FGD2: variants seen among roughly 807,000 people sequenced by gnomAD.
The protein encoded by FGD2 is FYVE, RhoGEF and PH domain-containing protein 2.
FGD2 carries 52 observed loss-of-function variants against 75.9 expected under a neutral mutation model. The observed-to-expected ratio is 0.69, with a 90% CI of 0.55 to 0.86. The LOEUF (loss-of-function observed/expected upper bound fraction) is 0.86. FGD2 is among the 40% of genes least tolerant of loss of function. FGD2 has a pLI of 0.00. For missense variants in FGD2, 790 were observed against 872.0 expected (o/e 0.91, Z 1.18); for synonymous variants, 347 against 348.6 (o/e 1.00, Z 0.05).
intron 13 of FGD2, chr6:37,025,578 C>T (rs937523768): frequency 6.9e-6 from 4 of 583,196 alleles, no homozygotes; most frequent in Non-Finnish European, 1.2e-5. Context: ...CTAAGAGCCC[C>T]GAGCCCGAGC....
In FGD2 at chr6:37,028,191, C is replaced by T. The variant is rs756047198; in HGVS notation, c.*28C>T. On this transcript the variant is annotated 3_prime_UTR_variant, in exon 16 of 16. Transcript: ENST00000274963. Reference sequence around the variant, plus strand: ...CACTGCCAGCCGCTCTCCTGCCCACCTCTCCCCACCCTGAACCCAGCTCCT... The same window carrying T: ...CACTGCCAGCCGCTCTCCTGCCCACTTCTCCCCACCCTGAACCCAGCTCCT... The T allele has an allele frequency of 1.2e-5, 18 of 1,507,072 alleles. No individual in the cohort carries two copies. The highest frequency in any genetic ancestry group is 2.4e-4 in the Middle Eastern group (1 of 4,156). The allele number at this position is 1,507,072 out of a possible 1,614,324, so 93.4% of individuals were successfully genotyped here. A position where few individuals can be genotyped will look rare whatever the true frequency, so the allele number is the denominator to read the frequency against.
rs550284489 is a variant in FGD2 at position 37,006,683 on chromosome 6, G to A, written c.68+798G>A. 5.9e-5 allele frequency among the ~76,000 whole-genome samples: 9 copies of A among 152,298 alleles called. 1 individual carries two copies. Among genetic ancestry groups the A allele is most frequent in the Admixed American group, 5.2e-4 (8 of 15,302 alleles). On this transcript the variant is annotated intron_variant, in intron 1 of 15. Coordinates refer to ENST00000274963, the MANE Select transcript of FGD2 (RefSeq NM_173558.4). ...AATCCATTCTGCAGGCATTTCTTAA[G>A]CTCAGGACTGTGTTAGGGGCTGTCC... is the stretch of plus-strand genomic sequence containing the variant.
chr6:37,027,594 C>A lies in FGD2; in HGVS notation c.1752+19C>A. ...CCCTCAGGTAAGGCCACCACCTGCCCGCCCCCCGTCAGGCCCTGGCCTTCC... is the reference window on the plus strand; with the variant it reads ...CCCTCAGGTAAGGCCACCACCTGCCAGCCCCCCGTCAGGCCCTGGCCTTCC... On this transcript the variant is annotated intron_variant, in intron 15 of 15. Coordinates refer to ENST00000274963, the MANE Select transcript of FGD2 (RefSeq NM_173558.4). 6.2e-7 allele frequency: 1 copy of A among 1,613,204 alleles called. No individual in the cohort carries two copies. The highest frequency in any genetic ancestry group is 8.5e-7 in the Non-Finnish European group (1 of 1,179,714).
Position 37,015,009 on chromosome 6 carries a change from A to G in FGD2, c.1000A>G (p.Asn334Asp). 1 of 1,614,064 alleles carries G rather than the reference A, an allele frequency of 6.2e-7. No individual in the cohort carries two copies. Among genetic ancestry groups the G allele is most frequent in the Non-Finnish European group, 8.5e-7 (1 of 1,179,970 alleles). The change falls in exon 8 of 16, where the codon AAC becomes GAC. Residue 334 changes from asparagine to aspartate, a missense_variant. Physicochemically the swap from Asn to Asp is conservative, Grantham distance 23 (BLOSUM62 1). Transcript: ENST00000274963. Reference protein sequence around the residue: ...GPVLKISFRRNDPMERYLFLF... With the variant: ...GPVLKISFRRDDPMERYLFLF... The stretch of plus-strand genomic sequence containing the variant: ...GGTCCTCAAGATCTCCTTCCGCCGC[A>G]ACGACCCCATGGAGCGCTACCTTTT...
At chr6:37,026,984 A>G (rs1381458564) in intron 14 of FGD2, among the ~76,000 whole-genome samples, 1 of 151,496 alleles carries the variant, frequency 6.6e-6, no homozygotes, top group Non-Finnish European at 1.5e-5. Context: ...CTCCAGCCTG[A>G]GCAACAAGAG....
chr6:37,025,580 A>T (rs1197227971), intron 13 of FGD2: 1 of 584,032 alleles, frequency 1.7e-6, no homozygotes, highest in African/African-American at 1.9e-5. Context: ...AAGAGCCCCG[A>T]GCCCGAGCTC....
At chr6:37,016,573 G>T (rs984338482) in intron 9 of FGD2, among the ~76,000 whole-genome samples, 2 of 145,638 alleles carry the variant, frequency 1.4e-5, no homozygotes, top group Non-Finnish European at 3.0e-5. Flanking sequence ...TCACTCTGTT[G>T]CCCAGGCTGG....
chr6:37,015,714 C>G, intron 8 of FGD2, 54 bp from the exon 9 acceptor site: 1 of 1,516,268 alleles, frequency 6.6e-7, no homozygotes, highest in Non-Finnish European at 9.0e-7. Flanking sequence ...GAAACCCCAC[C>G]TAGCCATCCT....
At chr6:37,026,911 G>A (rs1433813406) in intron 14 of FGD2, among the ~76,000 whole-genome samples, 1 of 151,980 alleles carries the variant, frequency 6.6e-6, no homozygotes, top group Non-Finnish European at 1.5e-5. Context: ...GGGATGCTGA[G>A]GCAGGAGAAT....
intron 9 of FGD2, among the ~76,000 whole-genome samples, chr6:37,017,747 A>G (rs1583310336): frequency 6.6e-6 from 1 of 152,132 alleles, no homozygotes; most frequent in East Asian, 1.9e-4. Context: ...GAGTTGAACC[A>G]GAATGCTCTA....
Position 37,014,934 on chromosome 6 carries a change from C to T in FGD2, c.925C>T (p.Leu309Phe). Residue 309 changes from leucine (L) to phenylalanine (F), a missense_variant, in exon 8 of 16, where the codon CTC becomes TTC. Leu to Phe is a conservative substitution (Grantham distance 22, BLOSUM62 0). Transcript: ENST00000274963. ...DLWEVYQRLG[L>F]EDDIVDPSNT... ...GTGGGAGGTGTACCAGCGCCTGGGC[C>T]TCGAGGACGACATAGTAGACCCCTC... The T allele has an allele frequency of 6.2e-7, 1 of 1,614,154 alleles. No homozygotes were observed. Among genetic ancestry groups the T allele is most frequent in the Non-Finnish European group, 8.5e-7 (1 of 1,180,002 alleles).
chr6:37,015,741 G>A, intron 8 of FGD2, 27 bp from the exon 9 acceptor site: 1 of 1,561,626 alleles, frequency 6.4e-7, no homozygotes, highest in South Asian at 1.2e-5. Flanking sequence ...CCCTGCCACG[G>A]GCCACTCACG....
intron 6 of FGD2, 109 bp from the exon 7 acceptor site, chr6:37,014,537 G>C: frequency 7.8e-7 from 1 of 1,281,236 alleles, no homozygotes; most frequent in East Asian, 2.5e-5. Flanking sequence ...CTGCTCCTGG[G>C]GGCTGTCATG....
chr6:37,019,928 C>T (rs1765492951), intron 9 of FGD2, among the ~76,000 whole-genome samples: 2 of 150,438 alleles, frequency 1.3e-5, no homozygotes, highest in Admixed American at 1.3e-4. Flanking sequence ...TCTCAGCTCA[C>T]TGCAACCTCC....
At position 37,027,543 on chromosome 6, in the gene FGD2, C is replaced by T; in HGVS notation, c.1720C>T (p.Pro574Ser). The T allele has an allele frequency of 2.5e-6, 4 of 1,614,060 alleles. No homozygotes were observed. The highest frequency in any genetic ancestry group is 3.4e-6 in the Non-Finnish European group (4 of 1,179,992). The change falls in exon 15 of 16, where the codon CCC (proline) becomes TCC (serine). Residue 574 changes from proline (P) to serine (S), a missense_variant. By Grantham distance (74) the Pro-to-Ser change is moderately conservative. Transcript: ENST00000274963. ...RGWCVIPRDD[P>S]LVLYVYAAPQ... ...CTGGTGTGTGATCCCTCGGGATGAC[C>T]CCCTCGTGCTCTATGTCTATGCTGC...
intron 4 of FGD2, among the ~76,000 whole-genome samples, chr6:37,012,303 G>T (rs1260095592): frequency 6.6e-6 from 1 of 152,224 alleles, no homozygotes; most frequent in Non-Finnish European, 1.5e-5. Flanking sequence ...TATATAGTTT[G>T]CCACGAAGTC....
chr6:37,021,126 CTTTGTGTGTCTGTG>C (rs1013627773), intron 11 of FGD2, among the ~76,000 whole-genome samples: 4 of 149,794 alleles, frequency 2.7e-5, no homozygotes, highest in Non-Finnish European at 4.4e-5. Flanking sequence ...GTGTATGTGT[CTTTGTGTGTCTGTG>C]TTTGTGTGTG....
chr6:37,021,124 G>A (rs1007447594), intron 11 of FGD2, among the ~76,000 whole-genome samples: 9 of 151,772 alleles, frequency 5.9e-5, no homozygotes, highest in African/African-American at 2.2e-4. Context: ...GTGTGTATGT[G>A]TCTTTGTGTG....
chr6:37,020,578 T>C lies in FGD2; in HGVS notation c.1160T>C (p.Phe387Ser). The C allele has an allele frequency of 6.2e-7, 1 of 1,609,182 alleles. No homozygotes were observed. The highest frequency in any genetic ancestry group is 8.5e-7 in the Non-Finnish European group (1 of 1,178,274). ...ELMDAEFPHS[F>S]LVSGKQRTLE... ...ATGGATGCTGAGTTTCCCCACTCCT[T>C]CCTGGTGTCCGGGAAGCAGCGCACC... The change falls in exon 10 of 16, where the codon TTC becomes TCC. Residue 387 changes from phenylalanine (F) to serine (S), a missense_variant. Coordinates refer to ENST00000274963, the MANE Select transcript of FGD2 (RefSeq NM_173558.4).
Sources: allele counts gnomAD v4.1 joint callset (sites outside exome capture counted in the v4.1 genomes callset), GRCh38; gene constraint gnomAD v4.1.1; transcripts MANE v1.5; gene names NCBI Gene and HGNC (gene_info 2026-07-23, HGNC 2026-07-21).